The following RFFL variants were observed in gnomAD, a reference collection of about 807,000 sequenced individuals.
RFFL encodes the protein ring finger and FYVE like domain containing E3 ubiquitin protein ligase.
In RFFL, 16 loss-of-function variants were observed where a neutral mutation model predicts 40.4. That is an observed-to-expected ratio of 0.40 (90% CI 0.27 to 0.60). RFFL has a LOEUF of 0.60. RFFL is among the 20% of genes least tolerant of loss of function. The pLI is 0.47. For missense variants in RFFL, 367 were observed against 451.7 expected, an observed-to-expected ratio of 0.81 and a Z score of 1.70; for synonymous variants, 154 against 167.9, an observed-to-expected ratio of 0.92 and a Z score of 0.64.
chr17:35,020,367 GCCT>G (rs2091001112), intron 3 of RFFL, among the ~76,000 whole-genome samples: 2 of 151,472 alleles, frequency 1.3e-5, no homozygotes, highest in Admixed American at 1.3e-4. Context: ...CCTGAGCTTT[GCCT>G]CCTGTCAGAT....
intron 1 of RFFL, among the ~76,000 whole-genome samples, chr17:35,068,792 G>C (rs913190530): frequency 2.6e-5 from 4 of 152,094 alleles, no homozygotes; most frequent in African/African-American, 9.7e-5. Context: ...GGACCCGATG[G>C]AGGAGGAGGA....
At chr17:35,087,196 CA>C (rs1567720434) in intron 1 of RFFL, among the ~76,000 whole-genome samples, 1 of 151,966 alleles carries the variant, frequency 6.6e-6, no homozygotes, top group African/African-American at 2.4e-5. Flanking sequence ...ACAGAAAATA[CA>C]AAAACTAGCT....
At chr17:35,073,043 CA>C (rs67047636) in intron 1 of RFFL, among the ~76,000 whole-genome samples, 6 of 143,364 alleles carry the variant, frequency 4.2e-5, no homozygotes, top group South Asian at 2.2e-4. Flanking sequence ...AACTCCGTCT[CA>C]AAAAAAAAAA....
At chr17:35,030,455 T>G (rs919860435) in intron 1 of RFFL, among the ~76,000 whole-genome samples, 2 of 151,936 alleles carry the variant, frequency 1.3e-5, no homozygotes, top group Non-Finnish European at 2.9e-5. Flanking sequence ...ATGGTGAGCA[T>G]TTTTTTGTGT....
upstream of RFFL, among the ~76,000 whole-genome samples, chr17:35,066,685 C>A (rs750576272): frequency 7.9e-5 from 12 of 152,174 alleles, no homozygotes; most frequent in African/African-American, 1.4e-4. Flanking sequence ...CTACCCCCAG[C>A]ATCCTAAATG....
In RFFL at chr17:35,011,744, C is replaced by T. The variant is rs1265193212; in HGVS notation, c.*224G>A. Reference sequence around the variant, plus strand: ...CAAGATCACTGAACCAAGAACATACCCATGTGATTTATACAAGTTCCCACT... The same window carrying T: ...CAAGATCACTGAACCAAGAACATACTCATGTGATTTATACAAGTTCCCACT... On this transcript the variant is annotated 3_prime_UTR_variant, in exon 7 of 7. Coordinates refer to ENST00000394597, the MANE Select transcript of RFFL (RefSeq NM_001017368.2). 6 of 545,354 alleles carry T rather than the reference C, an allele frequency of 1.1e-5. No individual in the cohort carries two copies. In the Admixed American group the frequency reaches 1.6e-4, roughly 15 times the overall value. 33.8% of individuals were successfully genotyped at this position (545,354 alleles called of 1,614,324 possible).
At chr17:35,039,401 G>A (rs1418519496) in intron 1 of RFFL, among the ~76,000 whole-genome samples, 2 of 151,268 alleles carry the variant, frequency 1.3e-5, no homozygotes, top group African/African-American at 4.9e-5. Context: ...TGTATTTTTA[G>A]TAGAGACGGC....
At chr17:35,053,067 T>C (rs765341713) in intron 1 of RFFL, among the ~76,000 whole-genome samples, 4 of 152,220 alleles carry the variant, frequency 2.6e-5, no homozygotes, top group Non-Finnish European at 4.4e-5. Flanking sequence ...ATAGGTGGAC[T>C]GGAGCCAGAC....
chr17:35,086,613 AAAC>A (rs2091431340), intron 1 of RFFL, among the ~76,000 whole-genome samples: 1 of 152,238 alleles, frequency 6.6e-6, no homozygotes, highest in African/African-American at 2.4e-5. Flanking sequence ...AACCATTACC[AAAC>A]AACAATGAAG....
intron 1 of RFFL, among the ~76,000 whole-genome samples, chr17:35,037,585 C>T (rs971546979): frequency 6.6e-6 from 1 of 152,184 alleles, no homozygotes; most frequent in Non-Finnish European, 1.5e-5. Context: ...CTAGTGTTAT[C>T]TCATGTGATC....
intron 1 of RFFL, among the ~76,000 whole-genome samples, chr17:35,072,786 G>A (rs2091357512): frequency 6.6e-6 from 1 of 152,076 alleles, no homozygotes; most frequent in South Asian, 2.1e-4. Context: ...GCTCACGCCT[G>A]TAATCCCAGC....
intron 3 of RFFL, among the ~76,000 whole-genome samples, chr17:35,019,560 G>C (rs780142150): frequency 6.6e-6 from 1 of 151,716 alleles, no homozygotes; most frequent in Non-Finnish European, 1.5e-5. Context: ...TTTTTGTAGA[G>C]ACAGGTTTTT....
At chr17:35,026,325 A>G in intron 2 of RFFL, 49 bp downstream of exon 2, 2 of 1,590,774 alleles carry the variant, frequency 1.3e-6, no homozygotes, top group Non-Finnish European at 1.7e-6. Context: ...GCGCTTGCCC[A>G]TGGTCCATAG....
At chr17:35,035,647 C>A (rs904896747) in intron 1 of RFFL, among the ~76,000 whole-genome samples, 42 of 149,544 alleles carry the variant, frequency 2.8e-4, no homozygotes, top group South Asian at 6.3e-4. Context: ...GTATCTATAT[C>A]TATAGATATT....
chr17:35,080,607 A>C (rs2091399054), intron 1 of RFFL, among the ~76,000 whole-genome samples: 1 of 152,190 alleles, frequency 6.6e-6, no homozygotes, highest in African/African-American at 2.4e-5. Context: ...AGCAGTTGCA[A>C]ATAAACAATG....
chr17:35,016,884 T>C (rs1394342823), intron 4 of RFFL, among the ~76,000 whole-genome samples: 1 of 152,118 alleles, frequency 6.6e-6, no homozygotes, highest in Non-Finnish European at 1.5e-5. Flanking sequence ...TAATTTTGAA[T>C]CTTGACTCCT....
chr17:35,032,575 G>A lies in RFFL; in HGVS notation c.-8-6014C>T, dbSNP rs139257420. ...GTATCTGTGTGTGGAGAATAGGGAC[G>A]GGTTAAGATGATGAGTTGAGTTTTG... On this transcript the variant is annotated intron_variant, in intron 1 of 6. Coordinates refer to ENST00000394597, the MANE Select transcript of RFFL (RefSeq NM_001017368.2). Among the ~76,000 whole-genome samples the A allele has an allele frequency of 3.8e-3, 581 of 152,110 alleles. 9 individuals are homozygous for A. Among genetic ancestry groups the A allele is most frequent in the African/African-American group, 8.7e-3 (362 of 41,386 alleles).
intron 1 of RFFL, among the ~76,000 whole-genome samples, chr17:35,058,466 T>A (rs1045406726): frequency 6.6e-6 from 1 of 152,156 alleles, no homozygotes; most frequent in African/African-American, 2.4e-5. Flanking sequence ...GTCAGTGTGG[T>A]AAATTGTATC....
Position 35,021,738 on chromosome 17 carries a change from G to A in RFFL, c.224C>T (p.Ser75Leu), listed in dbSNP as rs781337074. The change falls in exon 3 of 7, where the codon TCG (serine) becomes TTG (leucine). Residue 75 changes from serine to leucine, a missense_variant. Ser to Leu is a moderately radical substitution (Grantham distance 145). Transcript: ENST00000394597. ...DCKKNFCMTC[S>L]SQVGNGPRLC... ...GCGGGGCCCATTCCCTACTTGGCTCGAACAGGTCATGCAAAAATTTTTCTT... is the reference window on the plus strand; with the variant it reads ...GCGGGGCCCATTCCCTACTTGGCTCAAACAGGTCATGCAAAAATTTTTCTT... 2.0e-5 allele frequency: 33 copies of A among 1,614,044 alleles called. No individual in the cohort carries two copies. Among genetic ancestry groups the A allele is most frequent in the African/African-American group, 4.0e-5 (3 of 74,906 alleles).
Sources: gnomAD v4.1 joint callset for allele counts (sites outside exome capture counted in the v4.1 genomes callset) on GRCh38, gnomAD v4.1.1 for gene constraint, MANE v1.5 for transcripts, NCBI Gene and HGNC (gene_info 2026-07-23, HGNC 2026-07-21) for gene names.